FANCL: variants seen among roughly 807,000 people sequenced by gnomAD.
The protein encoded by FANCL is FA complementation group L, also known as E3 ubiquitin-protein ligase FANCL.
A neutral mutation model predicts 59.4 loss-of-function variants in FANCL; 69 were observed. That is an observed-to-expected ratio of 1.16 (90% CI 0.96 to 1.42). FANCL has a LOEUF of 1.42. FANCL is among the 40% of genes most tolerant of loss of function. FANCL has a pLI of 0.00. For missense variants in FANCL, 519 were observed against 447.2 expected (o/e 1.16, Z -1.45); for synonymous variants, 180 against 147.1 (o/e 1.22, Z -1.62).
chr2:58,226,938 T>A (rs1693069291), intron 3 of FANCL, among the ~76,000 whole-genome samples, 154 bp from the exon 4 acceptor site: 2 of 152,214 alleles, frequency 1.3e-5, no homozygotes, highest in Admixed American at 1.3e-4. Context: ...TCATCAACTT[T>A]ACTACTCCTA....
intron 7 of FANCL, among the ~76,000 whole-genome samples, chr2:58,194,997 C>T (rs910535303): frequency 1.3e-5 from 2 of 151,350 alleles, no homozygotes; most frequent in African/African-American, 4.9e-5. Flanking sequence ...AGAAAATACA[C>T]AAAAGCAGAA....
intron 8 of FANCL, among the ~76,000 whole-genome samples, chr2:58,163,930 A>G (rs1407898341): frequency 2.6e-5 from 4 of 152,050 alleles, no homozygotes; most frequent in Non-Finnish European, 4.4e-5. Context: ...GGCCAAATGT[A>G]AAAAGACCAA....
intron 5 of FANCL, among the ~76,000 whole-genome samples, chr2:58,221,145 G>A (rs953663806): frequency 5.9e-5 from 9 of 151,968 alleles, no homozygotes; most frequent in Admixed American, 6.5e-5. Flanking sequence ...CCCGGGAGGC[G>A]GAGCTTGCAA....
rs761704892 is a variant in FANCL, at chr2:58,159,813, A to G, written c.1093-13T>C. 3.7e-6 allele frequency: 6 copies of G among 1,611,786 alleles called. No homozygotes were observed. The African/African-American group carries it at 6.7e-5, about 18-fold the overall frequency. ...TTAAGGTAATTGGCTTTAAAAAGAG[A>G]ACATATTTTAACAAAGTTTGTGGAC... On this transcript the variant is annotated splice_polypyrimidine_tract_variant and intron_variant, in intron 13 of 13. Transcript: ENST00000233741.
At chr2:58,160,007 A>G in intron 13 of FANCL, 101 bp downstream of exon 13, 1 of 1,566,694 alleles carries the variant, frequency 6.4e-7, no homozygotes, top group South Asian at 1.2e-5. Context: ...AATGAGTTTC[A>G]AAAGTTTTAG....
chr2:58,207,768 T>C (rs1002592775), intron 5 of FANCL, among the ~76,000 whole-genome samples: 2 of 152,148 alleles, frequency 1.3e-5, no homozygotes, highest in Non-Finnish European at 2.9e-5. Context: ...TCTAAGGAAG[T>C]CTGTTTCATG....
intron 4 of FANCL, among the ~76,000 whole-genome samples, 189 bp downstream of exon 4, chr2:58,226,539 C>T (rs541413119): frequency 6.6e-6 from 1 of 152,166 alleles, no homozygotes; most frequent in African/African-American, 2.4e-5. Flanking sequence ...GAGGTTCCTT[C>T]GAACAGTTAT....
chr2:58,207,869 C>G lies in FANCL; in HGVS notation c.375-3643G>C, dbSNP rs1167844614. Among the ~76,000 whole-genome samples, 3 of 152,186 alleles carry G rather than the reference C, an allele frequency of 2.0e-5. No homozygotes were observed. In the South Asian group the frequency reaches 6.2e-4, roughly 32 times the overall value. ...CCCAAGAGTTCAAGACCAGCCTGGG[C>G]GACACAGTGAGACCTCATCTTTACA... On this transcript the variant is annotated intron_variant, in intron 5 of 13. Transcript: ENST00000233741.
intron 7 of FANCL, among the ~76,000 whole-genome samples, chr2:58,182,255 C>T (rs553287804): frequency 1.5e-4 from 23 of 151,866 alleles, no homozygotes; most frequent in African/African-American, 5.1e-4. Context: ...TTCTATTCCA[C>T]CCATTCCTTT....
intron 5 of FANCL, among the ~76,000 whole-genome samples, chr2:58,204,677 G>A (rs770421280): frequency 9.2e-5 from 14 of 151,798 alleles, no homozygotes; most frequent in Non-Finnish European, 1.8e-4. Context: ...TAATGTTACC[G>A]TACAAAAATC....
intron 1 of FANCL, among the ~76,000 whole-genome samples, chr2:58,240,727 C>T (rs1694448538): frequency 6.6e-6 from 1 of 152,180 alleles, no homozygotes; most frequent in South Asian, 2.1e-4. Context: ...GATATTGTAA[C>T]TGTGGGTGTA....
At chr2:58,217,382 T>C (rs562291641) in intron 5 of FANCL, among the ~76,000 whole-genome samples, 1 of 150,778 alleles carries the variant, frequency 6.6e-6, no homozygotes, top group Non-Finnish European at 1.5e-5. Context: ...AGAGAATCTA[T>C]TCCTTGCCTC....
intron 1 of FANCL, among the ~76,000 whole-genome samples, chr2:58,237,827 A>C (rs1050303492): frequency 2.0e-5 from 3 of 152,198 alleles, no homozygotes; most frequent in Non-Finnish European, 4.4e-5. Flanking sequence ...CATCTAACAC[A>C]ATAAAGCAGA....
intron 5 of FANCL, among the ~76,000 whole-genome samples, chr2:58,209,384 T>C (rs1690909177): frequency 6.6e-6 from 1 of 152,168 alleles, no homozygotes; most frequent in African/African-American, 2.4e-5. Flanking sequence ...AACATGATTT[T>C]TTTTTTACTA....
intron 4 of FANCL, among the ~76,000 whole-genome samples, chr2:58,223,899 T>A (rs907020115): frequency 6.6e-6 from 1 of 151,968 alleles, no homozygotes; most frequent in Non-Finnish European, 1.5e-5. Flanking sequence ...AACATATTTA[T>A]TGGTGATTAT....
At chr2:58,217,185 T>C (rs1273257776) in intron 5 of FANCL, among the ~76,000 whole-genome samples, 2 of 5,066 alleles carry the variant, frequency 3.9e-4, no homozygotes, top group South Asian at 5.9e-3. Flanking sequence ...TATATATATA[T>C]ATATATATAT....
intron 5 of FANCL, among the ~76,000 whole-genome samples, chr2:58,212,943 CTTATT>C (rs1234884598): frequency 1.3e-5 from 2 of 152,250 alleles, no homozygotes; most frequent in African/African-American, 4.8e-5. Flanking sequence ...AAGCTTTCAT[CTTATT>C]TTAAATATTT....
chr2:58,184,596 G>C (rs1688229694), intron 7 of FANCL, among the ~76,000 whole-genome samples: 1 of 152,044 alleles, frequency 6.6e-6, no homozygotes, highest in African/African-American at 2.4e-5. Flanking sequence ...ATAAGGAAAT[G>C]AATAAAAATA....
At chr2:58,193,118 T>A (rs1288521489) in intron 7 of FANCL, among the ~76,000 whole-genome samples, 1 of 152,050 alleles carries the variant, frequency 6.6e-6, no homozygotes, top group Admixed American at 6.6e-5. Context: ...TAGAGATAAA[T>A]GTTTTTCTAG....
Sources: gnomAD v4.1 joint callset for allele counts (sites outside exome capture counted in the v4.1 genomes callset) on GRCh38, gnomAD v4.1.1 for gene constraint, MANE v1.5 for transcripts, NCBI Gene and HGNC (gene_info 2026-07-23, HGNC 2026-07-21) for gene names.